Variants in FN1 observed in about 807,000 individuals in gnomAD.
FN1 encodes the protein fibronectin 1.
Under a neutral mutation model 297.3 loss-of-function variants are expected in FN1, and 106 were observed. The observed-to-expected ratio is 0.36, with a 90% CI of 0.30 to 0.42. The LOEUF (loss-of-function observed/expected upper bound fraction) is 0.42, where lower values mean the gene tolerates loss of function less well. Among genes scored for constraint, FN1 ranks in the 10% least tolerant of loss-of-function variants. The pLI is 1.00. For missense variants in FN1, 2,690 were observed against 3,124.9 expected (o/e 0.86, Z 3.32); for synonymous variants, 1,149 against 1,152.6 (o/e 1.00, Z 0.06).
intron 6 of FN1, among the ~76,000 whole-genome samples, chr2:215,427,453 G>C (rs950273998): frequency 6.6e-6 from 1 of 152,098 alleles, no homozygotes; most frequent in Admixed American, 6.6e-5. Context: ...TCTCTCTTCA[G>C]ATTTTTATGA....
At chr2:215,390,825 A>T (rs982684609) in intron 26 of FN1, among the ~76,000 whole-genome samples, 9 of 152,216 alleles carry the variant, frequency 5.9e-5, no homozygotes, top group African/African-American at 2.2e-4. Flanking sequence ...TTATGTTTGA[A>T]AGGTAGATGT....
intron 28 of FN1, 120 bp downstream of exon 28, chr2:215,386,564 ATCTAT>A (rs1263992888): frequency 1.4e-6 from 1 of 731,636 alleles, no homozygotes; most frequent in Non-Finnish European, 2.2e-6. Context: ...CATGACAATG[ATCTAT>A]TTTTTTTTTT....
chr2:215,426,637 G>A (rs909731947), intron 6 of FN1, among the ~76,000 whole-genome samples: 1 of 151,988 alleles, frequency 6.6e-6, no homozygotes, highest in Admixed American at 6.5e-5. Flanking sequence ...GAGACATGGC[G>A]CCCATCCCCT....
chr2:215,375,144 G>T, intron 38 of FN1, 70 bp downstream of exon 38: 1 of 1,425,520 alleles, frequency 7.0e-7, no homozygotes, highest in Non-Finnish European at 9.9e-7. Flanking sequence ...AAGACGCTGT[G>T]GGAGTTTGCT....
chr2:215,365,662 G>A (rs987383495), intron 42 of FN1, 32 bp from the exon 43 acceptor site: 1 of 1,612,294 alleles, frequency 6.2e-7, no homozygotes, highest in South Asian at 1.1e-5. Context: ...GGACCAAAAA[G>A]TTATTTGTAT....
In FN1 at chr2:215,425,409, G is replaced by C. The variant is rs577768719; in HGVS notation, c.845-124C>G. 9.7e-5 allele frequency: 96 copies of C among 986,400 alleles called. 1 individual carries two copies. In the South Asian group the frequency reaches 1.2e-3, roughly 12 times the overall value. The allele number at this position is 986,400 out of a possible 1,614,324, so 61.1% of individuals were successfully genotyped here. On this transcript the variant is annotated intron_variant, in intron 6 of 45. Transcript: ENST00000354785. ...GAAATCTATGTCGCTACTGGCCTGG[G>C]ACTGGAAAAAAATGTCCCTTATTCA...
intron 9 of FN1, among the ~76,000 whole-genome samples, chr2:215,423,028 C>G (rs2064698072): frequency 6.6e-6 from 1 of 152,160 alleles, no homozygotes; most frequent in Non-Finnish European, 1.5e-5. Flanking sequence ...CAGTTGTGTG[C>G]TCTTTACAAA....
intron 5 of FN1, among the ~76,000 whole-genome samples, chr2:215,429,158 T>TA (rs1249240707): frequency 1.3e-5 from 2 of 152,226 alleles, no homozygotes; most frequent in Non-Finnish European, 2.9e-5. Context: ...TTTCTTCATT[T>TA]GTTATGTAAA....
chr2:215,373,240 G>A, intron 39 of FN1, 82 bp downstream of exon 39: 1 of 1,075,770 alleles, frequency 9.3e-7, no homozygotes, highest in East Asian at 2.4e-5. Flanking sequence ...AAAACATGGA[G>A]AACCTTTTCA....
rs374759018 is a variant in FN1 at position 215,407,112 on chromosome 2, T to C, written c.2713+15A>G. The C allele has an allele frequency of 3.1e-6, 5 of 1,602,576 alleles. No individual in the cohort carries two copies. The African/African-American group carries it at 5.4e-5, about 17-fold the overall frequency. The stretch of plus-strand genomic sequence containing the variant: ...TGATAAGATAACATAGGAAGTGTCT[T>C]CTTAAAAAAGTTACCTGAGCGTGGG... On this transcript the variant is annotated intron_variant, in intron 18 of 45. Transcript: ENST00000354785.
At chr2:215,402,863 G>C (rs2061324759) in intron 20 of FN1, among the ~76,000 whole-genome samples, 1 of 152,146 alleles carries the variant, frequency 6.6e-6, no homozygotes, top group Non-Finnish European at 1.5e-5. Flanking sequence ...TCAGTCTTCA[G>C]AAGTACTTGA....
intron 37 of FN1, 73 bp downstream of exon 37, chr2:215,375,556 C>T (rs927553286): frequency 3.1e-6 from 4 of 1,279,610 alleles, no homozygotes; most frequent in Non-Finnish European, 4.6e-6. Context: ...ATACGCCTCA[C>T]ATTTGTTTTT....
intron 11 of FN1, among the ~76,000 whole-genome samples, chr2:215,420,054 C>A (rs1041217942): frequency 6.6e-6 from 1 of 151,108 alleles, no homozygotes; most frequent in East Asian, 1.9e-4. Flanking sequence ...TGAAGGGCGG[C>A]CAAAAAAAAA....
rs3732355 is a variant in FN1 at position 215,380,669 on chromosome 2, C to T, written c.5434+142G>A. ...TCACCTAAGTTTTATTGTTTCTTAC[C>T]ATTCCTCTTTAAAGAGGATCTTTCC... On this transcript the variant is annotated intron_variant, in intron 33 of 45. Coordinates refer to ENST00000354785, the MANE Select transcript of FN1 (RefSeq NM_212482.4). 294,801 of 1,076,524 alleles carry T rather than the reference C, an allele frequency of 0.27. 48,437 individuals carry two copies. The highest frequency in any genetic ancestry group is 0.81 in the East Asian group (34,032 of 42,224). The allele number at this position is 1,076,524 out of a possible 1,614,324, so 66.7% of individuals were successfully genotyped here. A position where few individuals can be genotyped will look rare whatever the true frequency, so the allele number is the denominator to read the frequency against.
In FN1 at chr2:215,422,080, A is replaced by G. The variant is rs1402948725; in HGVS notation, c.1546+11T>C. 2 of 1,614,068 alleles carry G rather than the reference A, an allele frequency of 1.2e-6. No homozygotes were observed. The highest frequency in any genetic ancestry group is 2.2e-5 in the South Asian group (2 of 91,090). ...GCCATCTCAAATATTTTTGTTAATC[A>G]GCCAGCATACCTCGAAGCTGCGAGT... On this transcript the variant is annotated intron_variant, in intron 10 of 45. Coordinates refer to ENST00000354785, the MANE Select transcript of FN1 (RefSeq NM_212482.4).
At chr2:215,370,955 C>T (rs1328555942) in intron 40 of FN1, among the ~76,000 whole-genome samples, 2 of 152,132 alleles carry the variant, frequency 1.3e-5, no homozygotes, top group African/African-American at 4.8e-5. Flanking sequence ...CTAAAAGTAA[C>T]AACACAATAA....
rs534252621 is a variant in FN1 at position 215,401,081 on chromosome 2, C to G, written c.3254-1730G>C. ...AAAGTGCTGGAATTACAGGCATGAG[C>G]CATCACACCTGGCCAAAAAAAAAAA... On this transcript the variant is annotated intron_variant, in intron 20 of 45. Coordinates refer to ENST00000354785, the MANE Select transcript of FN1 (RefSeq NM_212482.4). Among the ~76,000 whole-genome samples the G allele has an allele frequency of 6.1e-3, 816 of 134,074 alleles. 4 individuals carry two copies. Among genetic ancestry groups the G allele is most frequent in the Non-Finnish European group, 9.7e-3 (618 of 63,626 alleles). 88.0% of individuals were successfully genotyped at this position (134,074 alleles called of 152,430 possible).
intron 37 of FN1, 118 bp from the exon 38 acceptor site, chr2:215,375,511 G>C: frequency 1.6e-6 from 2 of 1,270,550 alleles, no homozygotes; most frequent in Non-Finnish European, 2.3e-6. Context: ...CTGTAAACCG[G>C]AAACAAGATT....
chr2:215,378,992 T>C, intron 34 of FN1, 138 bp downstream of exon 34: 7 of 858,800 alleles, frequency 8.2e-6, no homozygotes, highest in African/African-American at 1.7e-5. Flanking sequence ...ATTCCGTTGA[T>C]ATAAAATTAC....
Sources: gnomAD v4.1 joint callset for allele counts (sites outside exome capture counted in the v4.1 genomes callset) on GRCh38, gnomAD v4.1.1 for gene constraint, MANE v1.5 for transcripts, NCBI Gene and HGNC (gene_info 2026-07-23, HGNC 2026-07-21) for gene names.